TRAPPC9: variants seen among roughly 807,000 people sequenced by gnomAD.
The protein encoded by TRAPPC9 is trafficking protein particle complex subunit 9, also known as IKK2 binding protein.
TRAPPC9 carries 83 observed loss-of-function variants against 124.0 expected under a neutral mutation model. The observed-to-expected ratio is 0.67, with a 90% CI of 0.56 to 0.80. The LOEUF (loss-of-function observed/expected upper bound fraction) is 0.80. TRAPPC9 is among the 30% of genes least tolerant of loss of function. The probability of loss-of-function intolerance (pLI) is 0.00; values close to 1 mark genes in which losing one functional copy is unlikely to be tolerated. For missense variants in TRAPPC9, 1,302 were observed against 1,508.3 expected (o/e 0.86, Z 2.27); for synonymous variants, 638 against 617.5 (o/e 1.03, Z -0.49).
intron 21 of TRAPPC9, among the ~76,000 whole-genome samples, chr8:139,753,959 C>T (rs1819530873): frequency 2.0e-5 from 3 of 152,236 alleles, no homozygotes; most frequent in Admixed American, 2.0e-4. Context: ...CAATCCTGCT[C>T]CTTGGCACAG....
chr8:140,255,661 A>G (rs2131524928), intron 15 of TRAPPC9, among the ~76,000 whole-genome samples: 1 of 152,332 alleles, frequency 6.6e-6, no homozygotes, highest in Admixed American at 6.5e-5. Flanking sequence ...CAAGGCGGGC[A>G]GATCACCTGA....
intron 8 of TRAPPC9, among the ~76,000 whole-genome samples, chr8:140,361,441 G>A (rs886283371): frequency 2.6e-5 from 4 of 152,204 alleles, no homozygotes; most frequent in African/African-American, 9.6e-5. Flanking sequence ...TGAGAAGGGG[G>A]CCACGCCAAA....
Position 139,776,219 on chromosome 8 carries a change from C to G in TRAPPC9, c.3056-44017G>C, listed in dbSNP as rs541767591. 1.3e-5 allele frequency among the ~76,000 whole-genome samples: 2 copies of G among 152,310 alleles called. No individual in the cohort carries two copies. Among genetic ancestry groups the G allele is most frequent in the Admixed American group, 6.5e-5 (1 of 15,298 alleles). ...AGGGTTCCTTCCATCCTGCAGGCCT[C>G]CTGCACAGGGACGCCAGGCTGCAGC... On this transcript the variant is annotated intron_variant, in intron 21 of 22. Transcript: ENST00000438773. This position sits in a 1 kb window ranked among gnomAD's most constrained non-coding sequence, Gnocchi z 4.1.
intron 21 of TRAPPC9, among the ~76,000 whole-genome samples, chr8:139,774,322 G>A (rs536032377): frequency 4.6e-5 from 7 of 152,342 alleles, no homozygotes; most frequent in South Asian, 2.1e-4. Context: ...AGGAGAAACC[G>A]GAGGATGGAG....
chr8:140,263,999 C>A (rs1296762874), intron 15 of TRAPPC9, among the ~76,000 whole-genome samples: 1 of 152,202 alleles, frequency 6.6e-6, no homozygotes, highest in Non-Finnish European at 1.5e-5. Context: ...AGACACTCCA[C>A]TCTATGACAA....
chr8:140,099,172 C>G (rs1466073198), intron 17 of TRAPPC9: 4 of 151,786 alleles, frequency 2.6e-5, no homozygotes, highest in Non-Finnish European at 4.4e-5. Context: ...TGACGCCCTC[C>G]GTGATCCTGC....
intron 2 of TRAPPC9, among the ~76,000 whole-genome samples, chr8:140,444,035 CAAAAAAAA>C (rs35121401): frequency 2.4e-5 from 1 of 40,908 alleles, no homozygotes; most frequent in Non-Finnish European, 4.1e-5. Context: ...GACTCCATCT[CAAAAAAAA>C]AAAAAAAAAA....
chr8:139,728,802 C>T lies in TRAPPC9; in HGVS notation c.*2259G>A, dbSNP rs548958724. ...TCCTCCAAGAAGACAACTTTGCCTC[C>T]TGCCCCTTGAGGTTCTTCCTTCTTG... is the stretch of plus-strand genomic sequence containing the variant. On this transcript the variant is annotated 3_prime_UTR_variant, in exon 23 of 23. Coordinates refer to ENST00000438773, the MANE Select transcript of TRAPPC9 (RefSeq NM_001160372.4). Among the ~76,000 whole-genome samples the T allele has an allele frequency of 3.9e-5, 6 of 152,364 alleles. No individual in the cohort carries two copies. The highest frequency in any genetic ancestry group is 6.5e-5 in the Admixed American group (1 of 15,310).
intron 10 of TRAPPC9, among the ~76,000 whole-genome samples, chr8:140,305,725 G>A (rs2066111855): frequency 6.6e-6 from 1 of 152,188 alleles, no homozygotes; most frequent in African/African-American, 2.4e-5. Context: ...GGAATGGTAA[G>A]GTGACATCTA....
At chr8:140,250,736 C>T (rs899063560) in intron 16 of TRAPPC9, among the ~76,000 whole-genome samples, 2 of 152,148 alleles carry the variant, frequency 1.3e-5, no homozygotes, top group Non-Finnish European at 2.9e-5. Context: ...CTGCCACATA[C>T]TATGTAAACA....
intron 21 of TRAPPC9, among the ~76,000 whole-genome samples, chr8:139,833,698 T>C (rs1826139406): frequency 6.6e-6 from 1 of 152,230 alleles, no homozygotes; most frequent in Admixed American, 6.5e-5. Flanking sequence ...CAGAAGCAGC[T>C]GCGGCCACCA....
chr8:140,417,774 C>A (rs984221564), intron 5 of TRAPPC9, among the ~76,000 whole-genome samples: 2 of 152,128 alleles, frequency 1.3e-5, no homozygotes, highest in Non-Finnish European at 2.9e-5. Flanking sequence ...ATGTTTATTG[C>A]AGCACTGTTC....
chr8:140,266,469 CA>C (rs112160277), intron 15 of TRAPPC9, among the ~76,000 whole-genome samples: 26,568 of 89,094 alleles, frequency 0.3, 2,389 homozygotes, highest in Admixed American at 0.35. Flanking sequence ...TCTAACAAGA[CA>C]AAAAAAAAAA....
At chr8:140,027,006 C>T (rs189885875) in intron 17 of TRAPPC9, among the ~76,000 whole-genome samples, 1 of 152,332 alleles carries the variant, frequency 6.6e-6, no homozygotes, top group East Asian at 1.9e-4. Flanking sequence ...CGTCTCAGAC[C>T]TCTTACATTG....
intron 17 of TRAPPC9, among the ~76,000 whole-genome samples, chr8:140,221,178 A>T (rs924369769): frequency 3.9e-5 from 6 of 152,230 alleles, no homozygotes; most frequent in Non-Finnish European, 8.8e-5. Context: ...ATGAATAGAG[A>T]AACGGCAGGA....
At chr8:140,178,086 C>T (rs1272453000) in intron 17 of TRAPPC9, among the ~76,000 whole-genome samples, 1 of 152,002 alleles carries the variant, frequency 6.6e-6, no homozygotes, top group Non-Finnish European at 1.5e-5. Context: ...CTGTGAATAA[C>T]GAGTTTTATT....
At chr8:140,389,048 C>G (rs928954716) in intron 7 of TRAPPC9, among the ~76,000 whole-genome samples, 7 of 149,898 alleles carry the variant, frequency 4.7e-5, no homozygotes, top group African/African-American at 1.7e-4. Flanking sequence ...ACCTCCGCCT[C>G]CCAGGTTCAA....
chr8:140,117,215 T>C (rs1205054049), intron 17 of TRAPPC9, among the ~76,000 whole-genome samples: 3 of 152,204 alleles, frequency 2.0e-5, no homozygotes, highest in Non-Finnish European at 4.4e-5. Flanking sequence ...ATGTTCTTTG[T>C]AGACTGGTGT....
chr8:140,328,365 G>A (rs762795392), intron 9 of TRAPPC9, among the ~76,000 whole-genome samples: 4 of 152,058 alleles, frequency 2.6e-5, no homozygotes, highest in South Asian at 2.1e-4. Context: ...AACAAAATAC[G>A]TACATGATCA....
Sources: gnomAD v4.1 joint callset for allele counts (sites outside exome capture counted in the v4.1 genomes callset) on GRCh38, gnomAD v4.1.1 for gene constraint, Gnocchi (gnomAD v3.1) non-coding constraint, MANE v1.5 for transcripts, NCBI Gene and HGNC (gene_info 2026-07-23, HGNC 2026-07-21) for gene names.